FANCA: variants seen among roughly 807,000 people sequenced by gnomAD.
FANCA encodes the protein FA complementation group A.
FANCA carries 236 observed loss-of-function variants against 194.3 expected under a neutral mutation model. That is an observed-to-expected ratio of 1.21 (90% CI 1.09 to 1.35). The LOEUF is 1.35. Among genes scored for constraint, FANCA ranks in the 40% most tolerant of loss-of-function variants. The pLI, the probability that FANCA is intolerant of heterozygous loss-of-function variation, is 0.00. For missense variants in FANCA, 2,628 were observed against 1,813.9 expected (o/e 1.45, Z -8.15); for synonymous variants, 1,014 against 715.8 (o/e 1.42, Z -6.65).
chr16:89,792,481 A>G lies in FANCA; in HGVS notation c.1073T>C (p.Leu358Pro). The G allele has an allele frequency of 6.2e-7, 1 of 1,613,332 alleles. No individual in the cohort carries two copies. The highest frequency in any genetic ancestry group is 8.5e-7 in the Non-Finnish European group (1 of 1,179,920). ...FARTHPLLTS[L>P]YRRLFVMLSA... ...ACCACATCCACTCACCCTGCGGTAC[A>G]GTGAGGTGAGCAGAGGGTGTGTCCG... The change falls in exon 12 of 43, where the codon CTG (leucine) becomes CCG (proline). Residue 358 changes from leucine to proline, a missense_variant. By Grantham distance (98) the Leu-to-Pro change is moderately conservative. Coordinates refer to ENST00000389301, the MANE Select transcript of FANCA (RefSeq NM_000135.4).
intron 24 of FANCA, 90 bp from the exon 25 acceptor site, chr16:89,770,349 A>C: frequency 5.6e-6 from 7 of 1,256,458 alleles, no homozygotes; most frequent in Non-Finnish European, 7.9e-6. Flanking sequence ...GGCCGAAGAA[A>C]GAGCCAAGCT....
intron 38 of FANCA, 169 bp downstream of exon 38, chr16:89,740,635 T>TAAAAAAA (rs2062106411): frequency 2.0e-6 from 1 of 507,826 alleles, no homozygotes. Flanking sequence ...GACCCCCATC[T>TAAAAAAA]CAAAAAAAAA....
chr16:89,789,888 G>C (rs1003554090), intron 14 of FANCA, among the ~76,000 whole-genome samples: 1 of 152,078 alleles, frequency 6.6e-6, no homozygotes, highest in African/African-American at 2.4e-5. Flanking sequence ...GGGTTGCCCA[G>C]GGATCCCTGA....
chr16:89,810,495 C>G (rs1386888110), intron 5 of FANCA: 3 of 565,464 alleles, frequency 5.3e-6, no homozygotes, highest in Non-Finnish European at 9.4e-6. Flanking sequence ...ATAAATATTA[C>G]TAATGATAGG....
At position 89,742,928 on chromosome 16, in the gene FANCA, G is replaced by C. The variant is rs200713354; in HGVS notation, c.3637C>G (p.Pro1213Ala). The C allele has an allele frequency of 2.1e-4, 337 of 1,613,904 alleles. No homozygotes were observed. Among genetic ancestry groups the C allele is most frequent in the Non-Finnish European group, 2.7e-4 (324 of 1,179,934 alleles). ...TTGGGTGCTGGGGAGGCAGCCTCAGGGGAGAGGAAACTGGGACAGAGAGAA... is the reference window on the plus strand; with the variant it reads ...TTGGGTGCTGGGGAGGCAGCCTCAGCGGAGAGGAAACTGGGACAGAGAGAA... ...GRQFASDFLS[P>A]EAASPAPNPD... The change falls in exon 37 of 43, where the codon CCT becomes GCT. Residue 1213 changes from proline (P) to alanine (A), a missense_variant. Coordinates refer to ENST00000389301, the MANE Select transcript of FANCA (RefSeq NM_000135.4).
chr16:89,770,224 A>G lies in FANCA; in HGVS notation c.2258T>C (p.Met753Thr). ...CACTGCAGGGAGCACACGTCCACAC[A>G]TGGTCCTCACGAAGAGGGCAGCCCA... ...GPWAALFVRT[M>T]CGRVLPAVLT... is the part of the protein sequence containing the mutation. Residue 753 changes from methionine to threonine, a missense_variant, in exon 25 of 43, where the codon ATG becomes ACG. Coordinates refer to ENST00000389301, the MANE Select transcript of FANCA (RefSeq NM_000135.4). The G allele has an allele frequency of 2.5e-6, 4 of 1,591,458 alleles. No homozygotes were observed. Among genetic ancestry groups the G allele is most frequent in the South Asian group, 1.1e-5 (1 of 87,240 alleles).
rs549020567 is a variant in FANCA, at chr16:89,794,817, G to A, written c.1006+1089C>T. On this transcript the variant is annotated intron_variant, in intron 11 of 42. Transcript: ENST00000389301. ...ACAGTCTGTCATACATGGGTAACAG[G>A]ACACCCACTGGGCAGACGATGCCTG... Among the ~76,000 whole-genome samples, 21 of 152,274 alleles carry A rather than the reference G, an allele frequency of 1.4e-4. No individual in the cohort carries two copies. The South Asian group carries it at 4.1e-3, about 30-fold the overall frequency.
chr16:89,759,959 G>A (rs1018744620), intron 29 of FANCA, among the ~76,000 whole-genome samples: 5 of 151,364 alleles, frequency 3.3e-5, no homozygotes, highest in East Asian at 1.9e-4. Context: ...CACGCTGTGC[G>A]GGACCGGGGT....
intron 11 of FANCA, chr16:89,792,811 TAA>T (rs899713300): frequency 2.2e-5 from 9 of 415,220 alleles, no homozygotes; most frequent in Non-Finnish European, 4.1e-5. Flanking sequence ...AGGGGCAGGG[TAA>T]AGAGTGTGAG....
intron 28 of FANCA, 151 bp downstream of exon 28, chr16:89,764,739 G>A (rs931919758): frequency 1.8e-5 from 17 of 925,808 alleles, no homozygotes; most frequent in Admixed American, 7.0e-5. Context: ...GAGACGAGGA[G>A]ACAGTCGGCA....
intron 25 of FANCA, 32 bp downstream of exon 25, chr16:89,770,134 C>A (rs778416313): frequency 6.4e-7 from 1 of 1,572,528 alleles, no homozygotes; most frequent in African/African-American, 1.3e-5. Flanking sequence ...GAGTGGGCCC[C>A]CAAGGGTGGC....
At chr16:89,755,449 C>T (rs1328769505) in intron 30 of FANCA, among the ~76,000 whole-genome samples, 2 of 152,000 alleles carry the variant, frequency 1.3e-5, no homozygotes, top group Admixed American at 1.3e-4. Context: ...AAGTGATCTG[C>T]CCGCCTCAGC....
At chr16:89,807,102 T>C (rs2040684660) in intron 6 of FANCA, among the ~76,000 whole-genome samples, 1 of 152,218 alleles carries the variant, frequency 6.6e-6, no homozygotes, top group Non-Finnish European at 1.5e-5. Context: ...AAATGTCTAC[T>C]TCTCCCTTTA....
chr16:89,747,653 A>T (rs2038437238), intron 33 of FANCA, among the ~76,000 whole-genome samples: 1 of 152,094 alleles, frequency 6.6e-6, no homozygotes, highest in South Asian at 2.1e-4. Context: ...GTGAGCCAAG[A>T]TTTCACTGCT....
At chr16:89,743,533 C>G (rs1598064459) in intron 36 of FANCA, among the ~76,000 whole-genome samples, 1 of 133,352 alleles carries the variant, frequency 7.5e-6, no homozygotes, top group Non-Finnish European at 1.5e-5. Context: ...CTCAAATAAA[C>G]AAAAACGAGG....
At chr16:89,810,322 C>CAA (rs71391246) in intron 5 of FANCA, among the ~76,000 whole-genome samples, 7 of 84,950 alleles carry the variant, frequency 8.2e-5, no homozygotes, top group South Asian at 3.3e-4. Context: ...GACTTCGTCT[C>CAA]AAAAAAAAAA....
intron 1 of FANCA, 41 bp downstream of exon 1, chr16:89,816,496 C>G (rs1386833145): frequency 6.9e-7 from 1 of 1,455,992 alleles, no homozygotes; most frequent in Non-Finnish European, 9.0e-7. Flanking sequence ...CCGTCCCGGG[C>G]CGGACGCCGC....
chr16:89,774,652 C>T (rs1420440128), intron 21 of FANCA, among the ~76,000 whole-genome samples: 3 of 142,838 alleles, frequency 2.1e-5, no homozygotes, highest in Admixed American at 7.6e-5. Context: ...ATGGCATGAA[C>T]CTGGGAGGCG....
At position 89,746,116 on chromosome 16, in the gene FANCA, C is replaced by G. The variant is rs1242921618; in HGVS notation, c.3513+468G>C. On this transcript the variant is annotated intron_variant, in intron 35 of 42. Transcript: ENST00000389301. Reference sequence around the variant, plus strand: ...CTCCCACTCTCGGGACCCTGGGCTGCTAGGGGAGCCTGCTGAGCTCTGGCG... The same window carrying G: ...CTCCCACTCTCGGGACCCTGGGCTGGTAGGGGAGCCTGCTGAGCTCTGGCG... Among the ~76,000 whole-genome samples, 14 of 152,286 alleles carry G rather than the reference C, an allele frequency of 9.2e-5. No homozygotes were observed. In the East Asian group the frequency reaches 2.5e-3, roughly 27 times the overall value.
Sources: allele counts gnomAD v4.1 joint callset (sites outside exome capture counted in the v4.1 genomes callset), GRCh38; gene constraint gnomAD v4.1.1; transcripts MANE v1.5; gene names NCBI Gene and HGNC (gene_info 2026-07-23, HGNC 2026-07-21).